The following STAT4 variants were observed in gnomAD, a reference collection of about 807,000 sequenced individuals.
STAT4 encodes signal transducer and activator of transcription 4.
STAT4 carries 42 observed loss-of-function variants against 110.5 expected under a neutral mutation model. The observed-to-expected ratio is 0.38, with a 90% CI of 0.30 to 0.49. The LOEUF is 0.49. Among genes scored for constraint, STAT4 ranks in the 20% least tolerant of loss-of-function variants. The pLI is 0.95. For synonymous variants in STAT4, 284 were observed against 302.2 expected (o/e 0.94, Z 0.63); for missense variants, 632 against 887.9 (o/e 0.71, Z 3.66).
chr2:191,034,104 A>T, intron 18 of STAT4, 99 bp from the exon 19 acceptor site: 1 of 817,030 alleles, frequency 1.2e-6, no homozygotes, highest in East Asian at 2.7e-5. Context: ...TTATCTTTAA[A>T]CTGGACAACA....
In STAT4 at chr2:191,064,732, G is replaced by C. The variant is rs1042059497; in HGVS notation, c.782+75C>G. 9 of 1,531,488 alleles carry C rather than the reference G, an allele frequency of 5.9e-6. No individual in the cohort carries two copies. The Admixed American group carries it at 6.2e-5, about 11-fold the overall frequency. The allele number at this position is 1,531,488 out of a possible 1,614,324, so 94.9% of individuals were successfully genotyped here. A position where few individuals can be genotyped will look rare whatever the true frequency, so the allele number is the denominator to read the frequency against. On this transcript the variant is annotated intron_variant, in intron 8 of 23. Coordinates refer to ENST00000392320, the MANE Select transcript of STAT4 (RefSeq NM_003151.4). ...AACTGATGTTGCAGTCTAAACCTGC[G>C]TTCTCTGGCTGAGTGACACTGAAGT...
At position 191,058,400 on chromosome 2, in the gene STAT4, C is replaced by T. The variant is rs977822529; in HGVS notation, c.1095-181G>A. Among the ~76,000 whole-genome samples, 28 of 151,950 alleles carry T rather than the reference C, an allele frequency of 1.8e-4. 1 individual carries two copies. The highest frequency in any genetic ancestry group is 1.3e-3 in the Admixed American group (20 of 15,256). ...ACAACCTCTGCCCCCTGGGTTCAAG[C>T]GATTCTCCTGCCTCAGCCTCCTGAG... On this transcript the variant is annotated intron_variant, in intron 11 of 23. Transcript: ENST00000392320. This position sits in a 1 kb window ranked among gnomAD's most constrained non-coding sequence, Gnocchi z 4.3.
Position 191,113,667 on chromosome 2 carries a change from A to T in STAT4, c.273+32946T>A. On this transcript the variant is annotated intron_variant, in intron 3 of 23. Coordinates refer to ENST00000392320, the MANE Select transcript of STAT4 (RefSeq NM_003151.4). This position sits in a 1 kb window ranked among gnomAD's most constrained non-coding sequence, Gnocchi z 4.8. ...AGAAAGATTAAAAAGGTTAAAGATG[A>T]AATTTAGAGAGTGTTCCGAGTTGGA... 6.6e-6 allele frequency among the ~76,000 whole-genome samples: 1 copy of T among 152,234 alleles called. No homozygotes were observed. Among genetic ancestry groups the T allele is most frequent in the Non-Finnish European group, 1.5e-5 (1 of 68,042 alleles).
chr2:191,032,744 G>A lies in STAT4; in HGVS notation c.2044+214C>T, dbSNP rs1695934962. The A allele has an allele frequency of 5.7e-6, 3 of 530,446 alleles. No homozygotes were observed. Among genetic ancestry groups the A allele is most frequent in the Non-Finnish European group, 9.8e-6 (3 of 305,592 alleles). The allele number at this position is 530,446 out of a possible 1,614,324, so 32.9% of individuals were successfully genotyped here. ...GCCATGGTGAAGTTTAGTTACAGCT[G>A]CTTATTACTCGCTAGTGTTAGAAAG... On this transcript the variant is annotated intron_variant, in intron 21 of 23. Transcript: ENST00000392320. This position sits in a 1 kb window ranked among gnomAD's most constrained non-coding sequence, Gnocchi z 4.9.
rs1698224633 is a variant in STAT4 at position 191,104,499 on chromosome 2, A to T, written c.274-28174T>A. Among the ~76,000 whole-genome samples, 1 of 152,144 alleles carries T rather than the reference A, an allele frequency of 6.6e-6. No individual in the cohort carries two copies. Among genetic ancestry groups the T allele is most frequent in the South Asian group, 2.1e-4 (1 of 4,826 alleles). ...ATGTGAAGAAGATTTTGCCACACAG[A>T]CTCACACTGTGTTTTTAAATTTGAA... On this transcript the variant is annotated intron_variant, in intron 3 of 23. Coordinates refer to ENST00000392320, the MANE Select transcript of STAT4 (RefSeq NM_003151.4). This position sits in a 1 kb window ranked among gnomAD's most constrained non-coding sequence, Gnocchi z 4.3.
At position 191,061,124 on chromosome 2, in the gene STAT4, T is replaced by A. The variant is rs565536429; in HGVS notation, c.1034+605A>T. On this transcript the variant is annotated intron_variant, in intron 10 of 23. Transcript: ENST00000392320. This position sits in a 1 kb window ranked among gnomAD's most constrained non-coding sequence, Gnocchi z 6.2. ...TGACGCTAATGCTAATAGGATCAAATTCACAGAGAAAGCAACAATAACACA... is the reference window on the plus strand; with the variant it reads ...TGACGCTAATGCTAATAGGATCAAAATCACAGAGAAAGCAACAATAACACA... Among the ~76,000 whole-genome samples, 2 of 152,310 alleles carry A rather than the reference T, an allele frequency of 1.3e-5. No individual in the cohort carries two copies. Among genetic ancestry groups the A allele is most frequent in the East Asian group, 3.9e-4 (2 of 5,186 alleles).
rs186370506 is a variant in STAT4 at position 191,134,836 on chromosome 2, A to G, written c.273+11777T>C. Among the ~76,000 whole-genome samples the G allele has an allele frequency of 2.1e-4, 32 of 152,360 alleles. No homozygotes were observed. The East Asian group carries it at 5.8e-3, about 28-fold the overall frequency. ...CATGCTGCTACTGGATAATCATTGC[A>G]TCAAGGAAGAAATTGAGGAAATAAA... On this transcript the variant is annotated intron_variant, in intron 3 of 23. Coordinates refer to ENST00000392320, the MANE Select transcript of STAT4 (RefSeq NM_003151.4).
intron 3 of STAT4, among the ~76,000 whole-genome samples, chr2:191,127,511 T>G (rs6715826): frequency 0.61 from 92,598 of 152,052 alleles, 28,972 homozygotes; most frequent in South Asian, 0.78. Context: ...ATATTCATTT[T>G]CACTTTGTCT....
At chr2:191,103,942 T>C (rs921719340) in intron 3 of STAT4, among the ~76,000 whole-genome samples, 1 of 152,164 alleles carries the variant, frequency 6.6e-6, no homozygotes, top group African/African-American at 2.4e-5. Context: ...ATCATCACCC[T>C]GGTCTTTAAA....
chr2:191,144,820 G>A lies in STAT4; in HGVS notation c.273+1793C>T, dbSNP rs1699422311. 6.6e-6 allele frequency among the ~76,000 whole-genome samples: 1 copy of A among 152,098 alleles called. No individual in the cohort carries two copies. The highest frequency in any genetic ancestry group is 2.4e-5 in the African/African-American group (1 of 41,450). On this transcript the variant is annotated intron_variant, in intron 3 of 23. Coordinates refer to ENST00000392320, the MANE Select transcript of STAT4 (RefSeq NM_003151.4). The surrounding 1 kb of genome is among the most constrained non-coding windows in gnomAD (Gnocchi z 4.7). ...ATGCCTACATCTTGCCAGAAGAAAAGCTCCAGACTTCCTCACAATTCCAAA... is the reference window on the plus strand; with the variant it reads ...ATGCCTACATCTTGCCAGAAGAAAAACTCCAGACTTCCTCACAATTCCAAA...
rs184065314 is a variant in STAT4, at chr2:191,047,312, G to T, written c.1252-6164C>A. On this transcript the variant is annotated intron_variant, in intron 14 of 23. Coordinates refer to ENST00000392320, the MANE Select transcript of STAT4 (RefSeq NM_003151.4). Reference sequence around the variant, plus strand: ...TAAGTGAAATGTTCCCCTGAGTTTTGTGAACTGCTTTAGCAAATTCATTGA... The same window carrying T: ...TAAGTGAAATGTTCCCCTGAGTTTTTTGAACTGCTTTAGCAAATTCATTGA... 2.1e-3 allele frequency among the ~76,000 whole-genome samples: 322 copies of T among 152,264 alleles called. 1 individual carries two copies. Among genetic ancestry groups the T allele is most frequent in the South Asian group, 0.018 (85 of 4,826 alleles).
At position 191,077,413 on chromosome 2, in the gene STAT4, T is replaced by G. The variant is rs1459591538; in HGVS notation, c.274-1088A>C. On this transcript the variant is annotated intron_variant, in intron 3 of 23. Transcript: ENST00000392320. The surrounding 1 kb of genome is among the most constrained non-coding windows in gnomAD (Gnocchi z 4.1). Reference sequence around the variant, plus strand: ...AGTCAATAGTATTAAATTTCTTTGTTACTGGACTTTTTCCAGGGCAGGATT... The same window carrying G: ...AGTCAATAGTATTAAATTTCTTTGTGACTGGACTTTTTCCAGGGCAGGATT... 6.6e-6 allele frequency among the ~76,000 whole-genome samples: 1 copy of G among 152,158 alleles called. No homozygotes were observed. The highest frequency in any genetic ancestry group is 1.9e-4 in the East Asian group (1 of 5,192).
intron 3 of STAT4, among the ~76,000 whole-genome samples, chr2:191,118,633 T>C (rs978853356): frequency 1.3e-5 from 2 of 152,234 alleles, no homozygotes; most frequent in African/African-American, 2.4e-5. Context: ...CTTTTTAAGA[T>C]CATTTTTGCA....
chr2:191,041,854 G>T (rs1007247989), intron 14 of STAT4, among the ~76,000 whole-genome samples: 1 of 152,206 alleles, frequency 6.6e-6, no homozygotes, highest in African/African-American at 2.4e-5. Context: ...CTGGGCACAG[G>T]AGGGAGGTTT....
At chr2:191,072,972 A>G in intron 5 of STAT4, 126 bp downstream of exon 5, 1 of 649,962 alleles carries the variant, frequency 1.5e-6, no homozygotes. Context: ...TGTGAGAGAT[A>G]TTTATCTTAT....
At chr2:191,047,064 C>T (rs778396118) in intron 14 of STAT4, among the ~76,000 whole-genome samples, 1 of 152,116 alleles carries the variant, frequency 6.6e-6, no homozygotes, top group Non-Finnish European at 1.5e-5. Flanking sequence ...AGGTGATCAA[C>T]TTTGTAATGA....
In STAT4 at chr2:191,061,279, T is replaced by C. The variant is rs113067000; in HGVS notation, c.1034+450A>G. On this transcript the variant is annotated intron_variant, in intron 10 of 23. Coordinates refer to ENST00000392320, the MANE Select transcript of STAT4 (RefSeq NM_003151.4). This position sits in a 1 kb window ranked among gnomAD's most constrained non-coding sequence, Gnocchi z 6.2. ...GAGATGAATGTGCCACTGTGTTTCC[T>C]GGATAGGATATTCAAAGCCTTCCAG... 5.1e-4 allele frequency among the ~76,000 whole-genome samples: 78 copies of C among 152,262 alleles called. No individual in the cohort carries two copies. Among genetic ancestry groups the C allele is most frequent in the African/African-American group, 1.8e-3 (75 of 41,562 alleles).
Position 191,112,592 on chromosome 2 carries a change from G to C in STAT4, c.273+34021C>G, listed in dbSNP as rs895248728. ...TAGGATAGTGATGAAACCAAAAGAA[G>C]CAATGAATCAATCTAAGAAAAAAGA... On this transcript the variant is annotated intron_variant, in intron 3 of 23. Transcript: ENST00000392320. The surrounding 1 kb of genome is among the most constrained non-coding windows in gnomAD (Gnocchi z 4.3). Among the ~76,000 whole-genome samples, 6 of 152,178 alleles carry C rather than the reference G, an allele frequency of 3.9e-5. No individual in the cohort carries two copies. The highest frequency in any genetic ancestry group is 1.4e-4 in the African/African-American group (6 of 41,452).
Position 191,148,207 on chromosome 2 carries a change from A to G in STAT4, c.-1-3T>C. 3 of 1,613,216 alleles carry G rather than the reference A, an allele frequency of 1.9e-6. No individual in the cohort carries two copies. The highest frequency in any genetic ancestry group is 2.5e-6 in the Non-Finnish European group (3 of 1,179,572). Reference sequence around the variant, plus strand: ...GGACTTGATTCCACTGAGACATGCTATAAAAGAAGGTGTAGAATTAGAGTT... The same window carrying G: ...GGACTTGATTCCACTGAGACATGCTGTAAAAGAAGGTGTAGAATTAGAGTT... On this transcript the variant is annotated splice_polypyrimidine_tract_variant and splice_region_variant and intron_variant, in intron 1 of 23. Coordinates refer to ENST00000392320, the MANE Select transcript of STAT4 (RefSeq NM_003151.4).
Sources: gnomAD v4.1 joint callset for allele counts (sites outside exome capture counted in the v4.1 genomes callset) on GRCh38, gnomAD v4.1.1 for gene constraint, Gnocchi (gnomAD v3.1) non-coding constraint, MANE v1.5 for transcripts, NCBI Gene and HGNC (gene_info 2026-07-23, HGNC 2026-07-21) for gene names.